NLGN4X: variants seen among roughly 807,000 people sequenced by gnomAD.
NLGN4X encodes neuroligin 4 X-linked.
A neutral mutation model predicts 40.3 loss-of-function variants in NLGN4X; 3 were observed. The observed-to-expected ratio is 0.07, with a 90% CI of 0.03 to 0.19. The LOEUF (loss-of-function observed/expected upper bound fraction) is 0.19. NLGN4X is among the 10% of genes least tolerant of loss of function. The pLI is 1.00. For missense variants in NLGN4X, 382 were observed against 708.3 expected (o/e 0.54, Z 5.23); for synonymous variants, 270 against 306.8 (o/e 0.88, Z 1.25).
chrX:6,136,942 A>G (rs2039833843), intron 2 of NLGN4X, among the ~76,000 whole-genome samples: 1 of 112,456 alleles, frequency 8.9e-6, no homozygotes, highest in Non-Finnish European at 1.9e-5. Flanking sequence ...AAAAATGCAG[A>G]CATCACCTCT....
chrX:5,987,785 G>A lies in NLGN4X; in HGVS notation c.625+41495C>T, dbSNP rs771005181. ...TTTCCACTTCCTGTTAATTTAAAAG[G>A]TATTGAGGCTGGGCACCGTGGCTCA... On this transcript the variant is annotated intron_variant, in intron 3 of 5. Coordinates refer to ENST00000381095, the MANE Select transcript of NLGN4X (RefSeq NM_181332.3). Among the ~76,000 whole-genome samples, 3 of 112,110 alleles carry A rather than the reference G, an allele frequency of 2.7e-5. No homozygotes were observed. In the East Asian group the frequency reaches 8.5e-4, roughly 32 times the overall value.
Position 6,130,141 on chromosome X carries a change from G to C in NLGN4X, c.472+20854C>G, listed in dbSNP as rs145649669. On this transcript the variant is annotated intron_variant, in intron 2 of 5. Transcript: ENST00000381095. ...TGGATCAAGTGATTCTCCTTCCTCA[G>C]CCTCTCAAAACACTGGGATTACAGG... Among the ~76,000 whole-genome samples, 309 of 111,665 alleles carry C rather than the reference G, an allele frequency of 2.8e-3. 1 individual carries two copies. The highest frequency in any genetic ancestry group is 9.3e-3 in the African/African-American group (285 of 30,745).
At chrX:6,154,511 GA>G (rs1310215912) in intron 1 of NLGN4X, among the ~76,000 whole-genome samples, 38 of 99,995 alleles carry the variant, frequency 3.8e-4, no homozygotes, top group East Asian at 2.5e-3. Flanking sequence ...TCCTTGTGGG[GA>G]AAAAAAAAAA....
chrX:5,941,168 C>T (rs1489700871), intron 3 of NLGN4X, among the ~76,000 whole-genome samples: 1 of 71,765 alleles, frequency 1.4e-5, no homozygotes, highest in East Asian at 4.6e-4. Flanking sequence ...TGTTCTGGAT[C>T]GTATGCTAGG....
chrX:6,009,339 A>G (rs2036187834), intron 3 of NLGN4X, among the ~76,000 whole-genome samples: 1 of 112,052 alleles, frequency 8.9e-6, no homozygotes, highest in Non-Finnish European at 1.9e-5. Flanking sequence ...AGGAACAGCC[A>G]AAGAGTTTTC....
At chrX:5,907,572 T>A (rs1163603411) in intron 4 of NLGN4X, among the ~76,000 whole-genome samples, 1 of 111,449 alleles carries the variant, frequency 9.0e-6, no homozygotes, top group African/African-American at 3.3e-5. Flanking sequence ...CAAGTGCACA[T>A]CTGGTTGAGG....
intron 1 of NLGN4X, among the ~76,000 whole-genome samples, chrX:6,190,452 T>G (rs950269168): frequency 1.8e-5 from 2 of 112,209 alleles, no homozygotes; most frequent in African/African-American, 6.5e-5. Flanking sequence ...AATCAAATTG[T>G]AAAGACTTCA....
rs2031106375 is a variant in NLGN4X at position 5,890,570 on chromosome X, T to C, written c.*2247A>G. 6.2e-6 allele frequency: 2 copies of C among 324,435 alleles called. No homozygotes were observed. The highest frequency in any genetic ancestry group is 5.3e-5 in the African/African-American group (2 of 37,472). 26.7% of individuals were successfully genotyped at this position (324,435 alleles called of 1,213,427 possible). A position where few individuals can be genotyped will look rare whatever the true frequency, so the allele number is the denominator to read the frequency against. ...ACATGGATGCCACACATAACTTCCT[T>C]TGTAGTTTCACAGAGAGCCTATTTG... On this transcript the variant is annotated 3_prime_UTR_variant, in exon 6 of 6. Coordinates refer to ENST00000381095, the MANE Select transcript of NLGN4X (RefSeq NM_181332.3).
chrX:5,966,892 A>G (rs901291096), intron 3 of NLGN4X, among the ~76,000 whole-genome samples: 4 of 112,303 alleles, frequency 3.6e-5, no homozygotes, highest in African/African-American at 1.3e-4. Context: ...AACTTGGAAG[A>G]GGAAATACAG....
In NLGN4X at chrX:5,924,364, GAA is replaced by G. The variant is rs59353648; in HGVS notation, c.626-15127_626-15126del. Among the ~76,000 whole-genome samples, 4 of 95,488 alleles carry G rather than the reference GAA, an allele frequency of 4.2e-5. No individual in the cohort carries two copies. The East Asian group carries it at 1.0e-3, about 25-fold the overall frequency. The allele number at this position is 95,488 out of a possible 115,157, so 82.9% of individuals were successfully genotyped here. Reference sequence around the variant, plus strand: ...AATGCTTTCAAGGCAAACATAAAATGAAAAAAAAAAAACCTCTCTAATTGACC... The same window carrying G: ...AATGCTTTCAAGGCAAACATAAAATGAAAAAAAAAACCTCTCTAATTGACC... On this transcript the variant is annotated intron_variant, in intron 3 of 5. Transcript: ENST00000381095.
intron 2 of NLGN4X, among the ~76,000 whole-genome samples, chrX:6,063,588 C>T (rs1392545078): frequency 1.3e-4 from 15 of 112,048 alleles, no homozygotes; most frequent in African/African-American, 4.5e-4. Context: ...ATGGATGCAT[C>T]CCTGAAGCTT....
chrX:6,186,070 T>C (rs183369348), intron 1 of NLGN4X, among the ~76,000 whole-genome samples: 31 of 112,755 alleles, frequency 2.7e-4, no homozygotes, highest in African/African-American at 8.7e-4. Context: ...TTGTTAATGC[T>C]AATGTATTAC....
rs1290243565 is a variant in NLGN4X, at chrX:5,995,728, T to C, written c.625+33552A>G. ...GTTTGAGGGGCCATCGAGATGGTGA[T>C]TCACTGATATAAGGGCAAGGGTCAG... On this transcript the variant is annotated intron_variant, in intron 3 of 5. Transcript: ENST00000381095. 5.4e-5 allele frequency among the ~76,000 whole-genome samples: 6 copies of C among 111,845 alleles called. No homozygotes were observed. In the Admixed American group the frequency reaches 5.7e-4, roughly 11 times the overall value.
chrX:6,194,573 A>G (rs2147839692), intron 1 of NLGN4X, among the ~76,000 whole-genome samples: 1 of 112,075 alleles, frequency 8.9e-6, no homozygotes, highest in South Asian at 3.7e-4. Context: ...TACAAAGTAG[A>G]TAAGGCCTTT....
chrX:6,180,952 T>C (rs114907337), intron 1 of NLGN4X, among the ~76,000 whole-genome samples: 1,316 of 111,728 alleles, frequency 0.012, 26 homozygotes, highest in African/African-American at 0.041. Context: ...TTTCTTTAAG[T>C]AAAGCGAAGA....
intron 3 of NLGN4X, among the ~76,000 whole-genome samples, chrX:6,023,208 C>T (rs2147198102): frequency 9.0e-6 from 1 of 111,603 alleles, no homozygotes; most frequent in Admixed American, 9.5e-5. Flanking sequence ...TTCTACTGCA[C>T]CGAAGAGCTT....
intron 3 of NLGN4X, among the ~76,000 whole-genome samples, chrX:5,986,915 C>G (rs1165210004): frequency 8.9e-6 from 1 of 112,157 alleles, no homozygotes; most frequent in African/African-American, 3.2e-5. Flanking sequence ...TACTGGAAAA[C>G]AGTTCATCCT....
At chrX:6,210,576 G>C (rs767324570) in intron 1 of NLGN4X, among the ~76,000 whole-genome samples, 2 of 112,072 alleles carry the variant, frequency 1.8e-5, no homozygotes, top group African/African-American at 3.2e-5. Context: ...CTTCTGGGTA[G>C]AACACTACCA....
At chrX:5,972,647 C>T (rs1023294514) in intron 3 of NLGN4X, among the ~76,000 whole-genome samples, 5 of 110,073 alleles carry the variant, frequency 4.5e-5, no homozygotes, top group Non-Finnish European at 7.6e-5. Context: ...GCATCTACTG[C>T]ATAGTCTATG....
Sources: gnomAD v4.1 joint callset for allele counts (sites outside exome capture counted in the v4.1 genomes callset) on GRCh38, gnomAD v4.1.1 for gene constraint, MANE v1.5 for transcripts, NCBI Gene and HGNC (gene_info 2026-07-23, HGNC 2026-07-21) for gene names.